The following EVC2 variants were observed in gnomAD, a reference collection of about 807,000 sequenced individuals.
The protein encoded by EVC2 is limbin.
EVC2 carries 148 observed loss-of-function variants against 149.3 expected under a neutral mutation model. That is an observed-to-expected ratio of 0.99 (90% CI 0.87 to 1.14). EVC2 has a LOEUF of 1.14. Ranked by LOEUF, EVC2 falls within the 50% of genes most tolerant of loss-of-function variation. EVC2 has a pLI of 0.00. For synonymous variants in EVC2, 776 were observed against 649.9 expected (o/e 1.19, Z -2.95); for missense variants, 1,854 against 1,627.3 (o/e 1.14, Z -2.40).
chr4:5,700,062 C>T (rs1334324601), intron 1 of EVC2, among the ~76,000 whole-genome samples: 1 of 152,090 alleles, frequency 6.6e-6, no homozygotes, highest in Non-Finnish European at 1.5e-5. Context: ...ATCACTTGAA[C>T]CCAGGAGGCA....
At chr4:5,584,931 T>C (rs1560140381) in intron 16 of EVC2, 81 bp from the exon 17 acceptor site, 1 of 1,468,928 alleles carries the variant, frequency 6.8e-7, no homozygotes, top group Non-Finnish European at 9.5e-7. Flanking sequence ...CCTTTCAGAG[T>C]TCACAGACCT....
At chr4:5,661,540 G>A (rs1718875068) in intron 9 of EVC2, among the ~76,000 whole-genome samples, 1 of 152,194 alleles carries the variant, frequency 6.6e-6, no homozygotes, top group Non-Finnish European at 1.5e-5. Context: ...AACGTCTTCA[G>A]TCAGACACTT....
intron 7 of EVC2, among the ~76,000 whole-genome samples, chr4:5,667,356 AATT>A (rs140050099): frequency 4.8e-4 from 73 of 151,866 alleles, no homozygotes; most frequent in African/African-American, 1.3e-3. Context: ...AGATAATAAT[AATT>A]ATTATTATTA....
chr4:5,559,787 T>A (rs1052550047), downstream of EVC2, among the ~76,000 whole-genome samples: 3 of 152,098 alleles, frequency 2.0e-5, no homozygotes, highest in Non-Finnish European at 4.4e-5. The surrounding 1 kb of genome is among the most constrained non-coding windows in gnomAD (Gnocchi z 5.0). Flanking sequence ...CCGATAGAAA[T>A]AAATAATTGA....
chr4:5,629,438 A>G (rs556721911), intron 11 of EVC2, among the ~76,000 whole-genome samples: 1 of 152,334 alleles, frequency 6.6e-6, no homozygotes, highest in African/African-American at 2.4e-5. Context: ...CTCTAACATC[A>G]TAATAGCCTG....
At chr4:5,604,123 G>T (rs1453012996) in intron 16 of EVC2, among the ~76,000 whole-genome samples, 1 of 152,170 alleles carries the variant, frequency 6.6e-6, no homozygotes, top group African/African-American at 2.4e-5. Flanking sequence ...CACTACAGAG[G>T]GGTGTAGGAT....
At chr4:5,666,437 A>G (rs542501285) in intron 7 of EVC2, among the ~76,000 whole-genome samples, 2 of 152,172 alleles carry the variant, frequency 1.3e-5, no homozygotes, top group Non-Finnish European at 2.9e-5. Flanking sequence ...CACTTTATCA[A>G]TTATTCCAAA....
At chr4:5,706,357 C>G (rs200203281) in intron 1 of EVC2, among the ~76,000 whole-genome samples, 337 of 3,984 alleles carry the variant, frequency 0.085, 72 homozygotes, top group African/African-American at 0.2. Flanking sequence ...TAGATAGACA[C>G]ATAGATAGAT....
chr4:5,675,281 A>G (rs376250893), intron 7 of EVC2, among the ~76,000 whole-genome samples: 12 of 152,322 alleles, frequency 7.9e-5, no homozygotes, highest in African/African-American at 2.9e-4. Flanking sequence ...ACATCCTAGT[A>G]GCCCATATTT....
At chr4:5,676,949 G>C (rs548329657) in intron 7 of EVC2, among the ~76,000 whole-genome samples, 7 of 152,132 alleles carry the variant, frequency 4.6e-5, no homozygotes, top group African/African-American at 1.4e-4. Context: ...CTAGCATCTC[G>C]CACTGAGCCT....
In EVC2 at chr4:5,637,949, C is replaced by A. The variant is rs952777302; in HGVS notation, c.1470+2565G>T. On this transcript the variant is annotated intron_variant, in intron 10 of 21. Coordinates refer to ENST00000344408, the MANE Select transcript of EVC2 (RefSeq NM_147127.5). This position sits in a 1 kb window ranked among gnomAD's most constrained non-coding sequence, Gnocchi z 4.4. Reference sequence around the variant, plus strand: ...GTTTGTGTATTTGATTTTTAAAACTCTTTAAAAATGTAAAAAAACATTCTC... The same window carrying A: ...GTTTGTGTATTTGATTTTTAAAACTATTTAAAAATGTAAAAAAACATTCTC... Among the ~76,000 whole-genome samples, 3 of 151,870 alleles carry A rather than the reference C, an allele frequency of 2.0e-5. No homozygotes were observed. The highest frequency in any genetic ancestry group is 6.6e-5 in the Admixed American group (1 of 15,236).
chr4:5,617,757 C>T (rs1190735894), intron 15 of EVC2, among the ~76,000 whole-genome samples: 1 of 152,084 alleles, frequency 6.6e-6, no homozygotes, highest in Non-Finnish European at 1.5e-5. Context: ...GTTCGAAGGC[C>T]TTATCTTATG....
At chr4:5,646,023 G>A (rs568547410) in intron 9 of EVC2, among the ~76,000 whole-genome samples, 1 of 152,188 alleles carries the variant, frequency 6.6e-6, no homozygotes, top group East Asian at 1.9e-4. Context: ...TCCACCTCCC[G>A]GGTTCAAGTG....
chr4:5,580,494 A>G (rs1711662000), intron 17 of EVC2, among the ~76,000 whole-genome samples: 1 of 152,242 alleles, frequency 6.6e-6, no homozygotes, highest in African/African-American at 2.4e-5. Flanking sequence ...TCAAGTAAAC[A>G]GCACAACTAT....
At chr4:5,568,756 C>T in intron 19 of EVC2, 116 bp from the exon 20 acceptor site, 2 of 1,219,200 alleles carry the variant, frequency 1.6e-6, no homozygotes, top group Non-Finnish European at 1.2e-6. Flanking sequence ...ATTTCAGTAG[C>T]TTAGTCTGGA....
rs1227917829 is a variant in EVC2, at chr4:5,597,538, C to T, written c.2830-12688G>A. Among the ~76,000 whole-genome samples, 36 of 151,128 alleles carry T rather than the reference C, an allele frequency of 2.4e-4. No individual in the cohort carries two copies. The East Asian group carries it at 4.4e-3, about 18-fold the overall frequency. On this transcript the variant is annotated intron_variant, in intron 16 of 21. Transcript: ENST00000344408. Reference sequence around the variant, plus strand: ...AACAACCCTTCATGCTAAAAACTCTCAATAAATTAGGTATTGATGGGACAT... The same window carrying T: ...AACAACCCTTCATGCTAAAAACTCTTAATAAATTAGGTATTGATGGGACAT...
intron 1 of EVC2, chr4:5,708,014 C>A (rs1015056326): frequency 1.7e-5 from 6 of 354,872 alleles, no homozygotes; most frequent in African/African-American, 1.1e-4. Flanking sequence ...TGCCCTAGGT[C>A]GAAGCTCGTA....
chr4:5,680,246 G>A (rs1720252201), intron 7 of EVC2, among the ~76,000 whole-genome samples: 1 of 152,200 alleles, frequency 6.6e-6, no homozygotes, highest in African/African-American at 2.4e-5. Flanking sequence ...AGTATGTATA[G>A]TAAATACGTA....
chr4:5,535,369 T>C, the EVC2 span, among the ~76,000 whole-genome samples: 16 of 152,198 alleles, frequency 1.1e-4, no homozygotes, highest in African/African-American at 3.6e-4. This position sits in a 1 kb window ranked among gnomAD's most constrained non-coding sequence, Gnocchi z 4.7. Context: ...TGAGTTCGTC[T>C]GATTCGTGAG....
Sources: gnomAD v4.1 joint callset for allele counts (sites outside exome capture counted in the v4.1 genomes callset) on GRCh38, gnomAD v4.1.1 for gene constraint, Gnocchi (gnomAD v3.1) non-coding constraint, MANE v1.5 for transcripts, NCBI Gene and HGNC (gene_info 2026-07-23, HGNC 2026-07-21) for gene names.